KIF6: variants seen among roughly 807,000 people sequenced by gnomAD.
KIF6 encodes kinesin-like protein KIF6.
KIF6 carries 106 observed loss-of-function variants against 112.7 expected under a neutral mutation model. That is an observed-to-expected ratio of 0.94 (90% confidence interval 0.80 to 1.11). The LOEUF (loss-of-function observed/expected upper bound fraction) is 1.11, where lower values mean the gene tolerates loss of function less well. KIF6 is among the 50% of genes least tolerant of loss of function. The pLI, the probability that KIF6 is intolerant of heterozygous loss-of-function variation, is 0.00. For missense variants in KIF6, 929 were observed against 964.0 expected (o/e 0.96, Z 0.48); for synonymous variants, 339 against 339.9 (o/e 1.00, Z 0.03).
At chr6:39,339,439 C>G (rs2113885386) in intron 22 of KIF6, among the ~76,000 whole-genome samples, 1 of 152,166 alleles carries the variant, frequency 6.6e-6, no homozygotes, top group African/African-American at 2.4e-5. Flanking sequence ...CTTTCTCTTT[C>G]CCTGGGAGGG....
At position 39,660,658 on chromosome 6, in the gene KIF6, C is replaced by T. The variant is rs142439927; in HGVS notation, c.252-20901G>A. ...AAGGAGCCCCAATATTCAATTTATT[C>T]GATTCAGTGAGATGAATGTTGTCAG... On this transcript the variant is annotated intron_variant, in intron 3 of 22. Transcript: ENST00000287152. 5.5e-3 allele frequency among the ~76,000 whole-genome samples: 838 copies of T among 152,106 alleles called. 10 individuals are homozygous for T. The highest frequency in any genetic ancestry group is 0.019 in the African/African-American group (794 of 41,514).
At chr6:39,723,889 A>G (rs1031238647) in intron 1 of KIF6, among the ~76,000 whole-genome samples, 1 of 152,222 alleles carries the variant, frequency 6.6e-6, no homozygotes, top group Non-Finnish European at 1.5e-5. Context: ...GACTTAAAGT[A>G]TAATAACGAA....
At chr6:39,587,393 A>G (rs1399165014) in intron 7 of KIF6, among the ~76,000 whole-genome samples, 1 of 152,102 alleles carries the variant, frequency 6.6e-6, no homozygotes, top group Non-Finnish European at 1.5e-5. Context: ...CTTTTGGTTT[A>G]CAAAACGAAA....
chr6:39,714,219 A>G (rs1047469476), intron 3 of KIF6, among the ~76,000 whole-genome samples: 4 of 152,324 alleles, frequency 2.6e-5, no homozygotes, highest in Admixed American at 6.5e-5. Flanking sequence ...GCAAAGGGCC[A>G]AGCTTTGAAA....
intron 3 of KIF6, among the ~76,000 whole-genome samples, chr6:39,652,540 C>A (rs1052637078): frequency 8.9e-5 from 13 of 146,542 alleles, no homozygotes; most frequent in South Asian, 2.2e-4. Context: ...AAAAAAAAAA[C>A]AAAACAAAAC....
At chr6:39,446,617 C>T (rs1443636758) in intron 13 of KIF6, among the ~76,000 whole-genome samples, 2 of 152,152 alleles carry the variant, frequency 1.3e-5, no homozygotes, top group African/African-American at 4.8e-5. Context: ...CCTCAGCTTC[C>T]TGAGCAGCTG....
chr6:39,494,627 A>G (rs1241012007), intron 13 of KIF6, among the ~76,000 whole-genome samples: 1 of 152,212 alleles, frequency 6.6e-6, no homozygotes, highest in Non-Finnish European at 1.5e-5. Context: ...TTCCGACGTA[A>G]AAGAATGGGG....
intron 15 of KIF6, among the ~76,000 whole-genome samples, chr6:39,394,330 A>G (rs994838520): frequency 6.6e-6 from 1 of 152,246 alleles, no homozygotes; most frequent in African/African-American, 2.4e-5. Context: ...ATGTTACTAT[A>G]GCATGCTGGA....
At chr6:39,666,255 T>C (rs980566401) in intron 3 of KIF6, among the ~76,000 whole-genome samples, 12 of 152,230 alleles carry the variant, frequency 7.9e-5, no homozygotes, top group African/African-American at 2.9e-4. Flanking sequence ...GGTTTGGCAA[T>C]TCAGTTGAAA....
Position 39,521,156 on chromosome 6 carries a change from C to G in KIF6, c.1645+18847G>C, listed in dbSNP as rs115783262. Among the ~76,000 whole-genome samples the G allele has an allele frequency of 5.1e-3, 777 of 152,276 alleles. 5 individuals are homozygous for G. The highest frequency in any genetic ancestry group is 0.018 in the African/African-American group (729 of 41,560). On this transcript the variant is annotated intron_variant, in intron 13 of 22. Coordinates refer to ENST00000287152, the MANE Select transcript of KIF6 (RefSeq NM_145027.6). ...TGCTGTTACTCAGTGTAATTATTGT[C>G]TCTCATCACAGGATGAAGTCTGATT...
rs142755232 is a variant in KIF6 at position 39,685,430 on chromosome 6, G to T, written c.251+29262C>A. Among the ~76,000 whole-genome samples the T allele has an allele frequency of 9.6e-4, 146 of 152,274 alleles. 1 individual carries two copies. Among genetic ancestry groups the T allele is most frequent in the African/African-American group, 3.4e-3 (140 of 41,574 alleles). ...GGTCTATTTACTCAGCGAAGTATGA[G>T]GAAGCTGAAAGTGAGAGCAAGGGAA... On this transcript the variant is annotated intron_variant, in intron 3 of 22. Transcript: ENST00000287152.
At chr6:39,686,390 C>T (rs1355751648) in intron 3 of KIF6, among the ~76,000 whole-genome samples, 1 of 152,174 alleles carries the variant, frequency 6.6e-6, no homozygotes, top group Admixed American at 6.6e-5. Context: ...AGAAAAGATG[C>T]TAATTATGCC....
chr6:39,722,870 C>G (rs1438568505), intron 1 of KIF6, among the ~76,000 whole-genome samples: 5 of 152,168 alleles, frequency 3.3e-5, no homozygotes, highest in Admixed American at 1.3e-4. Flanking sequence ...ATCAAACAAT[C>G]CACTCTACAG....
At chr6:39,557,743 C>T (rs924904387) in intron 10 of KIF6, among the ~76,000 whole-genome samples, 1 of 151,806 alleles carries the variant, frequency 6.6e-6, no homozygotes, top group African/African-American at 2.4e-5. Flanking sequence ...CCCATAGAAC[C>T]TCTGTTGGAG....
chr6:39,600,855 C>T (rs1052466571), intron 6 of KIF6, among the ~76,000 whole-genome samples: 1 of 152,120 alleles, frequency 6.6e-6, no homozygotes, highest in African/African-American at 2.4e-5. Context: ...CTGTCACTTA[C>T]TAGTGTTAAA....
chr6:39,716,539 C>A (rs1280767826), intron 2 of KIF6, among the ~76,000 whole-genome samples: 1 of 152,076 alleles, frequency 6.6e-6, no homozygotes, highest in African/African-American at 2.4e-5. Flanking sequence ...GCATTTTGAT[C>A]AGCTGTCTTC....
At chr6:39,502,099 T>A (rs543665086) in intron 13 of KIF6, among the ~76,000 whole-genome samples, 4 of 151,974 alleles carry the variant, frequency 2.6e-5, no homozygotes, top group South Asian at 2.1e-4. Flanking sequence ...AAAGGCCAGG[T>A]CACCTACAAA....
At position 39,708,567 on chromosome 6, in the gene KIF6, G is replaced by C. The variant is rs1269042868; in HGVS notation, c.251+6125C>G. 3.9e-5 allele frequency among the ~76,000 whole-genome samples: 6 copies of C among 152,048 alleles called. No individual in the cohort carries two copies. In the East Asian group the frequency reaches 9.6e-4, roughly 24 times the overall value. Reference sequence around the variant, plus strand: ...TGCCAGTGCACATTCTATTCATTTTGGTCAAACCATCATGCTCTTACAAAA... The same window carrying C: ...TGCCAGTGCACATTCTATTCATTTTCGTCAAACCATCATGCTCTTACAAAA... On this transcript the variant is annotated intron_variant, in intron 3 of 22. Coordinates refer to ENST00000287152, the MANE Select transcript of KIF6 (RefSeq NM_145027.6).
At chr6:39,444,701 A>G (rs778624942) in intron 13 of KIF6, among the ~76,000 whole-genome samples, 2 of 152,044 alleles carry the variant, frequency 1.3e-5, no homozygotes, top group African/African-American at 2.4e-5. Context: ...TATGAGTTCA[A>G]TTTTTTCCAA....
Sources: gnomAD v4.1 joint callset for allele counts (sites outside exome capture counted in the v4.1 genomes callset) on GRCh38, gnomAD v4.1.1 for gene constraint, MANE v1.5 for transcripts, NCBI Gene and HGNC (gene_info 2026-07-23, HGNC 2026-07-21) for gene names.